Variants in ZNRF1 observed in about 807,000 individuals in gnomAD.
The protein encoded by ZNRF1 is E3 ubiquitin-protein ligase ZNRF1.
A neutral mutation model predicts 18.4 loss-of-function variants in ZNRF1; 3 were observed. The ratio of observed to expected loss-of-function variants is 0.16; its 90% CI spans 0.07 to 0.42. The LOEUF is 0.42. ZNRF1 is among the 10% of genes least tolerant of loss of function. The probability of loss-of-function intolerance (pLI) is 0.99; values close to 1 mark genes in which losing one functional copy is unlikely to be tolerated. For missense variants in ZNRF1, 310 were observed against 329.8 expected (o/e 0.94, Z 0.47); for synonymous variants, 157 against 144.2 (o/e 1.09, Z -0.64).
At chr16:75,052,274 A>T (rs1265101476) in intron 1 of ZNRF1, among the ~76,000 whole-genome samples, 2 of 151,868 alleles carry the variant, frequency 1.3e-5, no homozygotes, top group Non-Finnish European at 2.9e-5. Context: ...GGTGGCGTGC[A>T]CCTGTAGTCT....
At chr16:75,005,960 C>G (rs2034912039) in intron 1 of ZNRF1, among the ~76,000 whole-genome samples, 1 of 152,240 alleles carries the variant, frequency 6.6e-6, no homozygotes, top group East Asian at 1.9e-4. Context: ...TATGTTGCTC[C>G]TAGTGCTCCT....
At chr16:75,094,712 A>G (rs2036178187) in intron 2 of ZNRF1, among the ~76,000 whole-genome samples, 1 of 152,180 alleles carries the variant, frequency 6.6e-6, no homozygotes, top group East Asian at 1.9e-4. Context: ...CAGAGCCCAC[A>G]GACTTCTCCT....
chr16:75,050,220 C>A (rs1475917374), intron 1 of ZNRF1, among the ~76,000 whole-genome samples: 1 of 152,044 alleles, frequency 6.6e-6, no homozygotes, highest in Non-Finnish European at 1.5e-5. Flanking sequence ...TTAATCCATC[C>A]GAGGACCTTT....
chr16:75,072,107 T>C (rs1222177735), intron 1 of ZNRF1, among the ~76,000 whole-genome samples: 26 of 147,120 alleles, frequency 1.8e-4, no homozygotes, highest in Admixed American at 1.8e-3. Context: ...GCCCAGTTAA[T>C]TTTTTTTTTT....
intron 2 of ZNRF1, among the ~76,000 whole-genome samples, chr16:75,103,185 G>A (rs759493435): frequency 4.6e-5 from 7 of 152,172 alleles, no homozygotes; most frequent in Non-Finnish European, 8.8e-5. Context: ...TCGCCGGCAC[G>A]CAGAATGCCA....
chr16:75,010,610 T>C (rs2034982351), intron 1 of ZNRF1, among the ~76,000 whole-genome samples: 1 of 152,132 alleles, frequency 6.6e-6, no homozygotes, highest in Admixed American at 6.5e-5. Flanking sequence ...GCTCCAACTT[T>C]CTTGTTGGTA....
chr16:75,031,951 C>T (rs2035310781), intron 1 of ZNRF1, among the ~76,000 whole-genome samples: 1 of 152,120 alleles, frequency 6.6e-6, no homozygotes, highest in African/African-American at 2.4e-5. Context: ...CAATTTTATA[C>T]TCCCACCAAC....
chr16:75,060,880 A>T (rs928517207), intron 1 of ZNRF1, among the ~76,000 whole-genome samples: 1 of 152,104 alleles, frequency 6.6e-6, no homozygotes, highest in East Asian at 1.9e-4. Context: ...GGAGTTTTGT[A>T]ACTTCGTGAG....
chr16:75,074,314 G>A (rs546340843), intron 1 of ZNRF1, among the ~76,000 whole-genome samples: 15 of 152,310 alleles, frequency 9.8e-5, no homozygotes, highest in African/African-American at 2.6e-4. Flanking sequence ...CACCCGGTGA[G>A]GCTCCATATG....
rs375970253 is a variant in ZNRF1, at chr16:75,100,002, C to G, written c.521-4782C>G. Among the ~76,000 whole-genome samples, 438 of 152,316 alleles carry G rather than the reference C, an allele frequency of 2.9e-3. 6 individuals are homozygous for G. The highest frequency in any genetic ancestry group is 0.028 in the South Asian group (133 of 4,832). On this transcript the variant is annotated intron_variant, in intron 2 of 4. Coordinates refer to ENST00000335325, the MANE Select transcript of ZNRF1 (RefSeq NM_032268.5). ...TGCTGGGTTTGTGTGCCTCCTGCCT[C>G]CTGCTGTGGAAGAATGCTGCTCCCT...
intron 1 of ZNRF1, among the ~76,000 whole-genome samples, chr16:75,047,780 G>A (rs2035535614): frequency 6.6e-6 from 1 of 152,124 alleles, no homozygotes; most frequent in African/African-American, 2.4e-5. Flanking sequence ...CAACTGGGTA[G>A]CTTAAACAAC....
In ZNRF1 at chr16:75,021,318, C is replaced by T. The variant is rs996910645; in HGVS notation, c.424+21223C>T. 3.3e-5 allele frequency among the ~76,000 whole-genome samples: 5 copies of T among 152,194 alleles called. No homozygotes were observed. The South Asian group carries it at 6.2e-4, about 19-fold the overall frequency. On this transcript the variant is annotated intron_variant, in intron 1 of 4. Coordinates refer to ENST00000335325, the MANE Select transcript of ZNRF1 (RefSeq NM_032268.5). ...CCTCCCACGATGCTGGGATTACAGGCGTGAGCCAGGCGCCTGGCCTTCCCC... is the reference window on the plus strand; with the variant it reads ...CCTCCCACGATGCTGGGATTACAGGTGTGAGCCAGGCGCCTGGCCTTCCCC...
At chr16:75,001,539 A>T (rs968978511) in intron 1 of ZNRF1, among the ~76,000 whole-genome samples, 4 of 152,160 alleles carry the variant, frequency 2.6e-5, no homozygotes, top group African/African-American at 9.7e-5. Flanking sequence ...CAGGCATTTG[A>T]TCAAAATTAG....
At position 75,109,914 on chromosome 16, in the gene ZNRF1, T is replaced by C. The variant is rs1319013696; in HGVS notation, c.*2214T>C. 6.6e-6 allele frequency: 1 copy of C among 152,360 alleles called. No homozygotes were observed. Among genetic ancestry groups the C allele is most frequent in the East Asian group, 1.9e-4 (1 of 5,194 alleles). 9.4% of individuals were successfully genotyped at this position (152,360 alleles called of 1,614,324 possible). On this transcript the variant is annotated 3_prime_UTR_variant, in exon 5 of 5. Coordinates refer to ENST00000335325, the MANE Select transcript of ZNRF1 (RefSeq NM_032268.5). ...CTGTGTCTCCCTGTGCTATATTTAA[T>C]TCCACCAGCAAAGCTGGCGAGGCAG...
intron 1 of ZNRF1, among the ~76,000 whole-genome samples, chr16:75,023,644 A>G (rs1388503476): frequency 6.6e-6 from 1 of 151,942 alleles, no homozygotes; most frequent in Non-Finnish European, 1.5e-5. Flanking sequence ...AGATCACGCC[A>G]CTTCACTCCA....
intron 2 of ZNRF1, among the ~76,000 whole-genome samples, chr16:75,101,393 A>C (rs906732552): frequency 6.6e-6 from 1 of 152,200 alleles, no homozygotes; most frequent in Non-Finnish European, 1.5e-5. Context: ...GTCTCTACTA[A>C]AAACACAAAA....
chr16:75,075,897 A>G (rs2035934344), intron 1 of ZNRF1, among the ~76,000 whole-genome samples: 1 of 152,194 alleles, frequency 6.6e-6, no homozygotes, highest in Non-Finnish European at 1.5e-5. Context: ...GAAGATGGCC[A>G]TTGGAGATGC....
At chr16:75,027,404 C>T (rs1048594587) in intron 1 of ZNRF1, among the ~76,000 whole-genome samples, 1 of 152,190 alleles carries the variant, frequency 6.6e-6, no homozygotes, top group Non-Finnish European at 1.5e-5. Flanking sequence ...GGGCCTATGA[C>T]ATTCTTTGTA....
chr16:75,041,863 G>A (rs1030451952), intron 1 of ZNRF1, among the ~76,000 whole-genome samples: 2 of 151,698 alleles, frequency 1.3e-5, no homozygotes, highest in African/African-American at 2.4e-5. Flanking sequence ...GGGCATGGTG[G>A]CAGACGCCTA....
Sources: allele counts gnomAD v4.1 joint callset (sites outside exome capture counted in the v4.1 genomes callset), GRCh38; gene constraint gnomAD v4.1.1; transcripts MANE v1.5; gene names NCBI Gene and HGNC (gene_info 2026-07-23, HGNC 2026-07-21).